LMNTD1: variants seen among roughly 807,000 people sequenced by gnomAD.
LMNTD1 encodes the protein lamin tail domain-containing protein 1.
Under a neutral mutation model 50.9 loss-of-function variants are expected in LMNTD1, and 35 were observed. The ratio of observed to expected loss-of-function variants is 0.69; its 90% CI spans 0.53 to 0.91. The LOEUF (loss-of-function observed/expected upper bound fraction) is 0.91, where lower values mean the gene tolerates loss of function less well. Ranked by LOEUF, LMNTD1 falls within the 40% of genes least tolerant of loss-of-function variation. The pLI, the probability that LMNTD1 is intolerant of heterozygous loss-of-function variation, is 0.00. For synonymous variants in LMNTD1, 153 were observed against 161.9 expected (o/e 0.94, Z 0.42); for missense variants, 470 against 475.5 (o/e 0.99, Z 0.11).
chr12:25,520,001 T>C lies in LMNTD1; in HGVS notation c.873A>G (p.Arg291=). ...GGAATGTTGGAGATACTACTGAACA[T>C]CTGTTAAATTCAACGTCAGCATCTA... is the stretch of plus-strand genomic sequence containing the variant. The part of the protein sequence containing the change: ...EKLDADVEFN[R]CSVVSPTFRK... Residue 291 remains arginine, a synonymous_variant, in exon 7 of 10, where the codon AGA becomes AGG. Coordinates refer to ENST00000458174, the MANE Select transcript of LMNTD1 (RefSeq NM_001145728.2). The C allele has an allele frequency of 1.2e-6, 2 of 1,613,748 alleles. No homozygotes were observed. The highest frequency in any genetic ancestry group is 1.7e-6 in the Non-Finnish European group (2 of 1,179,900).
intron 2 of LMNTD1, among the ~76,000 whole-genome samples, chr12:25,550,504 T>C (rs977836864): frequency 1.3e-5 from 2 of 152,188 alleles, no homozygotes; most frequent in South Asian, 2.1e-4. Context: ...AGTTCAGCCA[T>C]CCCCTTTCTG....
chr12:25,549,183 G>T (rs1943605643), intron 3 of LMNTD1, 143 bp downstream of exon 3: 1 of 560,444 alleles, frequency 1.8e-6, no homozygotes, highest in African/African-American at 1.9e-5. Flanking sequence ...CCATAGTTAA[G>T]TTACTTTTCA....
Position 25,575,632 on chromosome 12 carries a change from C to G in LMNTD1, c.59-29078G>C, listed in dbSNP as rs1214995747. On this transcript the variant is annotated intron_variant, in intron 1 of 7. Transcript: ENST00000445693. ...AACCTCTGCTTCTTTGACATTTTAA[C>G]CAGGCCAATTGCCTCTTTTCCAGGA... is the stretch of plus-strand genomic sequence containing the variant. Among the ~76,000 whole-genome samples, 2 of 152,060 alleles carry G rather than the reference C, an allele frequency of 1.3e-5. 1 individual carries two copies. Among genetic ancestry groups the G allele is most frequent in the South Asian group, 4.1e-4 (2 of 4,824 alleles).
chr12:25,636,171 A>G (rs1946829264), intron 1 of LMNTD1, among the ~76,000 whole-genome samples: 2 of 152,270 alleles, frequency 1.3e-5, no homozygotes, highest in Admixed American at 1.3e-4. Flanking sequence ...GCACAGCAAA[A>G]GGAACAGTCA....
At chr12:25,582,014 G>T (rs763997379) in intron 1 of LMNTD1, among the ~76,000 whole-genome samples, 1 of 152,128 alleles carries the variant, frequency 6.6e-6, no homozygotes, top group Admixed American at 6.5e-5. Context: ...TTTATTCCTC[G>T]ACTTTTATCT....
In LMNTD1 at chr12:25,507,450, C is replaced by G. The variant is rs79524014; in HGVS notation, c.1190-3650G>C. ...GCTTAATTCTATGGGCCATCTGGCT[C>G]AGACACAGATCCAACTTAAAAATGG... On this transcript the variant is annotated intron_variant, in intron 8 of 9. Coordinates refer to ENST00000458174, the MANE Select transcript of LMNTD1 (RefSeq NM_001145728.2). Among the ~76,000 whole-genome samples the G allele has an allele frequency of 6.4e-3, 969 of 152,326 alleles. 4 individuals are homozygous for G. Among genetic ancestry groups the G allele is most frequent in the Admixed American group, 0.01 (156 of 15,294 alleles).
chr12:25,607,742 C>T lies in LMNTD1; in HGVS notation c.58+40752G>A, dbSNP rs565090757. On this transcript the variant is annotated intron_variant, in intron 1 of 7. Transcript: ENST00000445693. The stretch of plus-strand genomic sequence containing the variant: ...GTTCTTTTACATTGGCTGAAGAGTG[C>T]TTTACTTCCAACTATGTGGTCAATT... Among the ~76,000 whole-genome samples the T allele has an allele frequency of 8.5e-5, 13 of 152,240 alleles. No individual in the cohort carries two copies. In the East Asian group the frequency reaches 2.5e-3, roughly 29 times the overall value.
intron 9 of LMNTD1, among the ~76,000 whole-genome samples, chr12:25,498,167 T>C (rs1019898341): frequency 2.0e-5 from 3 of 152,110 alleles, no homozygotes; most frequent in Admixed American, 6.6e-5. Context: ...GCATATTTCA[T>C]TTTTTTAAAC....
intron 1 of LMNTD1, chr12:25,648,455 T>C: frequency 6.6e-7 from 1 of 1,519,408 alleles, no homozygotes; most frequent in Non-Finnish European, 8.9e-7. Context: ...GCCAGCGAAT[T>C]GCCTGATGGG....
intron 1 of LMNTD1, among the ~76,000 whole-genome samples, chr12:25,575,459 A>C (rs1292217781): frequency 6.6e-6 from 1 of 152,182 alleles, no homozygotes; most frequent in African/African-American, 2.4e-5. Flanking sequence ...CAATGCCATA[A>C]AATGCCATTG....
chr12:25,574,806 A>G (rs1699703233), intron 1 of LMNTD1, among the ~76,000 whole-genome samples: 3 of 152,204 alleles, frequency 2.0e-5, no homozygotes, highest in Admixed American at 6.5e-5. Flanking sequence ...ACACCTTGTA[A>G]GTATTTGCAA....
intron 9 of LMNTD1, among the ~76,000 whole-genome samples, chr12:25,496,976 T>C (rs1939097501): frequency 6.6e-6 from 1 of 152,152 alleles, no homozygotes; most frequent in Non-Finnish European, 1.5e-5. Context: ...CTTTTGTGTA[T>C]GGCTTATCTC....
At chr12:25,575,243 T>G (rs1248745859) in intron 1 of LMNTD1, among the ~76,000 whole-genome samples, 2 of 152,126 alleles carry the variant, frequency 1.3e-5, no homozygotes, top group African/African-American at 4.8e-5. Context: ...ACCTTTGCAA[T>G]GAGAGGAGGG....
chr12:25,563,060 T>A (rs111776945), intron 1 of LMNTD1, among the ~76,000 whole-genome samples: 1 of 152,166 alleles, frequency 6.6e-6, no homozygotes, highest in Non-Finnish European at 1.5e-5. Context: ...AAGGTTTTTA[T>A]CTTCTTTGTG....
intron 1 of LMNTD1, among the ~76,000 whole-genome samples, chr12:25,647,010 A>G (rs1193702250): frequency 6.6e-6 from 1 of 152,208 alleles, no homozygotes. Context: ...GACTTTTCAA[A>G]TGTCTTTCCT....
chr12:25,542,173 A>C (rs1441299797), intron 4 of LMNTD1, among the ~76,000 whole-genome samples: 2 of 152,130 alleles, frequency 1.3e-5, no homozygotes, highest in African/African-American at 4.8e-5. Flanking sequence ...GCGATTCCTC[A>C]GGGATCTAGA....
chr12:25,573,103 C>T (rs143364679), intron 1 of LMNTD1, among the ~76,000 whole-genome samples: 20 of 152,196 alleles, frequency 1.3e-4, no homozygotes, highest in Non-Finnish European at 2.4e-4. Context: ...TCCAACTCCC[C>T]GACCTCCTGT....
intron 9 of LMNTD1, among the ~76,000 whole-genome samples, chr12:25,496,145 C>G (rs1489266939): frequency 1.3e-5 from 2 of 152,074 alleles, no homozygotes; most frequent in African/African-American, 4.8e-5. Flanking sequence ...CCTTACATAC[C>G]ACTTGTTTCA....
intron 1 of LMNTD1, among the ~76,000 whole-genome samples, chr12:25,591,713 G>A (rs1374276874): frequency 6.6e-6 from 1 of 151,666 alleles, no homozygotes; most frequent in Non-Finnish European, 1.5e-5. Context: ...GCAAGACTCA[G>A]CTGTGTACTG....
Sources: gnomAD v4.1 joint callset for allele counts (sites outside exome capture counted in the v4.1 genomes callset) on GRCh38, gnomAD v4.1.1 for gene constraint, MANE v1.5 for transcripts, NCBI Gene and HGNC (gene_info 2026-07-23, HGNC 2026-07-21) for gene names.